Variants in CORIN observed in about 807,000 individuals in gnomAD.
The protein encoded by CORIN is atrial natriuretic peptide-converting enzyme.
Under a neutral mutation model 125.3 loss-of-function variants are expected in CORIN, and 117 were observed. That is an observed-to-expected ratio of 0.93 (90% CI 0.80 to 1.09). The LOEUF (loss-of-function observed/expected upper bound fraction) is 1.09, where lower values mean the gene tolerates loss of function less well. Ranked by LOEUF, CORIN falls within the 50% of genes least tolerant of loss-of-function variation. The pLI, the probability that CORIN is intolerant of heterozygous loss-of-function variation, is 0.00. For synonymous variants in CORIN, 450 were observed against 466.4 expected (o/e 0.96, Z 0.45); for missense variants, 1,253 against 1,306.7 (o/e 0.96, Z 0.63).
chr4:47,755,484 CT>C (rs1729095392), intron 4 of CORIN, among the ~76,000 whole-genome samples: 1 of 152,146 alleles, frequency 6.6e-6, no homozygotes, highest in African/African-American at 2.4e-5. Context: ...TTTATATAAA[CT>C]TTAATGCTAA....
At chr4:47,686,306 G>T (rs766000027) in intron 6 of CORIN, among the ~76,000 whole-genome samples, 1 of 151,856 alleles carries the variant, frequency 6.6e-6, no homozygotes. Context: ...ATATATACAC[G>T]TAAGTCCATA....
chr4:47,619,575 T>C (rs1334572005), intron 19 of CORIN, among the ~76,000 whole-genome samples: 1 of 152,244 alleles, frequency 6.6e-6, no homozygotes, highest in African/African-American at 2.4e-5. Context: ...CTTCACAGTT[T>C]TGTTAAATTT....
At chr4:47,621,802 CGATG>C (rs1320484492) in intron 19 of CORIN, among the ~76,000 whole-genome samples, 2 of 150,866 alleles carry the variant, frequency 1.3e-5, no homozygotes, top group Non-Finnish European at 2.9e-5. Context: ...TGAGTAAAGC[CGATG>C]ACATTCCATG....
chr4:47,713,758 T>C (rs1251528322), intron 5 of CORIN, among the ~76,000 whole-genome samples: 1 of 151,978 alleles, frequency 6.6e-6, no homozygotes, highest in Non-Finnish European at 1.5e-5. Flanking sequence ...ATTACAGAGA[T>C]CTAGGAAACC....
chr4:47,653,869 G>T (rs763422664), intron 12 of CORIN, among the ~76,000 whole-genome samples: 4 of 152,148 alleles, frequency 2.6e-5, no homozygotes, highest in Non-Finnish European at 1.5e-5. Flanking sequence ...CTAGATACGC[G>T]GTTTAACATC....
intron 1 of CORIN, among the ~76,000 whole-genome samples, chr4:47,809,396 CTTTTTTTTTTTTTTTT>C (rs374248975): frequency 9.3e-5 from 10 of 107,342 alleles, no homozygotes; most frequent in Admixed American, 2.6e-4. Flanking sequence ...GAATTGATTG[CTTTTTTTTTTTTTTTT>C]TTTTTTTTTT....
At chr4:47,626,592 G>C (rs956656324) in intron 16 of CORIN, 71 bp from the exon 17 acceptor site, 2 of 934,306 alleles carry the variant, frequency 2.1e-6, no homozygotes, top group South Asian at 2.6e-5. Flanking sequence ...TCATTATTTA[G>C]CACTCATTCC....
intron 19 of CORIN, among the ~76,000 whole-genome samples, chr4:47,622,344 T>G (rs1431196912): frequency 2.2e-4 from 33 of 149,782 alleles, no homozygotes; most frequent in African/African-American, 7.6e-4. Flanking sequence ...GCATGATTTA[T>G]AGTCCTTTGG....
At chr4:47,813,065 T>C (rs1043771720) in intron 1 of CORIN, among the ~76,000 whole-genome samples, 2 of 152,230 alleles carry the variant, frequency 1.3e-5, no homozygotes, top group Non-Finnish European at 2.9e-5. Flanking sequence ...CCTCATTGCC[T>C]GCTCCACATG....
intron 12 of CORIN, among the ~76,000 whole-genome samples, chr4:47,658,905 GTTAT>G (rs1009306571): frequency 6.6e-6 from 1 of 152,146 alleles, no homozygotes; most frequent in Non-Finnish European, 1.5e-5. Flanking sequence ...CCAACTTCAA[GTTAT>G]TTCTTTGCTC....
intron 4 of CORIN, among the ~76,000 whole-genome samples, chr4:47,755,771 T>G (rs1729109338): frequency 6.6e-6 from 1 of 152,196 alleles, no homozygotes; most frequent in African/African-American, 2.4e-5. Flanking sequence ...CAAGTCGCCT[T>G]AAAGTTTCAA....
intron 5 of CORIN, among the ~76,000 whole-genome samples, chr4:47,707,576 T>C (rs942259828): frequency 1.1e-4 from 17 of 152,336 alleles, no homozygotes; most frequent in Middle Eastern, 3.4e-3. Context: ...GGCACAGTCC[T>C]GGACATGGCA....
At chr4:47,748,072 G>A (rs1054533909) in intron 4 of CORIN, among the ~76,000 whole-genome samples, 3 of 152,166 alleles carry the variant, frequency 2.0e-5, no homozygotes, top group Admixed American at 6.5e-5. Flanking sequence ...CTCTTAAGAG[G>A]TGTAACCAAC....
chr4:47,772,236 T>C (rs1392400926), intron 3 of CORIN, among the ~76,000 whole-genome samples: 1 of 152,218 alleles, frequency 6.6e-6, no homozygotes, highest in Non-Finnish European at 1.5e-5. Flanking sequence ...AGAAACTACT[T>C]ACTGTGACAA....
Position 47,664,093 on chromosome 4 carries a change from G to A in CORIN, c.1589+939C>T, listed in dbSNP as rs184440005. Among the ~76,000 whole-genome samples, 569 of 152,280 alleles carry A rather than the reference G, an allele frequency of 3.7e-3. 15 individuals are homozygous for A. The highest frequency in any genetic ancestry group is 0.034 in the Admixed American group (517 of 15,278). On this transcript the variant is annotated intron_variant, in intron 11 of 21. Coordinates refer to ENST00000273857, the MANE Select transcript of CORIN (RefSeq NM_006587.4). Reference sequence around the variant, plus strand: ...CTGATCCCAACATATGGTTTCTGCAGTTGCTACTCGCATTTAGGCCAGCAC... The same window carrying A: ...CTGATCCCAACATATGGTTTCTGCAATTGCTACTCGCATTTAGGCCAGCAC...
At position 47,800,788 on chromosome 4, in the gene CORIN, C is replaced by T. The variant is rs186544701; in HGVS notation, c.208+6115G>A. Among the ~76,000 whole-genome samples the T allele has an allele frequency of 2.5e-4, 38 of 152,310 alleles. 2 individuals carry two copies. The East Asian group carries it at 4.6e-3, about 19-fold the overall frequency. ...GTTCTGTCTTCCTCTTACTTGGTCA[C>T]CCTCTGACCTCTGGCATCTGTGAAA... On this transcript the variant is annotated intron_variant, in intron 2 of 21. Coordinates refer to ENST00000273857, the MANE Select transcript of CORIN (RefSeq NM_006587.4).
At chr4:47,615,220 A>T (rs1722028944) in intron 19 of CORIN, among the ~76,000 whole-genome samples, 1 of 152,236 alleles carries the variant, frequency 6.6e-6, no homozygotes, top group Non-Finnish European at 1.5e-5. Flanking sequence ...AAGTGCTGGG[A>T]CTAGACCTTA....
Position 47,744,475 on chromosome 4 carries a change from C to A in CORIN, c.726G>T (p.Gln242His). 6.2e-7 allele frequency: 1 copy of A among 1,613,964 alleles called. No homozygotes were observed. The highest frequency in any genetic ancestry group is 8.5e-7 in the Non-Finnish European group (1 of 1,179,994). ...YSWPDFLRCS[Q>H]FRNQTESSNV... ...TGCTGCTTTCAGTTTGGTTTCTAAA[C>A]TGGGAGCATCTGAGGAAATCCGGCC... is the stretch of plus-strand genomic sequence containing the variant. The change falls in exon 5 of 22, where the codon CAG (glutamine) becomes CAT (histidine). Residue 242 changes from glutamine to histidine, a missense_variant. Coordinates refer to ENST00000273857, the MANE Select transcript of CORIN (RefSeq NM_006587.4).
chr4:47,715,825 A>G (rs775897644), intron 5 of CORIN, among the ~76,000 whole-genome samples: 13 of 152,308 alleles, frequency 8.5e-5, no homozygotes, highest in Non-Finnish European at 1.6e-4. Context: ...AGAAATACCT[A>G]TGCTGCAATA....
Sources: allele counts gnomAD v4.1 joint callset (sites outside exome capture counted in the v4.1 genomes callset), GRCh38; gene constraint gnomAD v4.1.1; transcripts MANE v1.5; gene names NCBI Gene and HGNC (gene_info 2026-07-23, HGNC 2026-07-21).